The following MAT2A variants were observed in gnomAD, a reference collection of about 807,000 sequenced individuals.
The protein encoded by MAT2A is S-adenosylmethionine synthase isoform type-2.
A neutral mutation model predicts 43.9 loss-of-function variants in MAT2A; 3 were observed. That is an observed-to-expected ratio of 0.07 (90% CI 0.03 to 0.18). The LOEUF (loss-of-function observed/expected upper bound fraction) is 0.18. MAT2A is among the 10% of genes least tolerant of loss of function. The pLI is 1.00. For synonymous variants in MAT2A, 200 were observed against 168.4 expected (o/e 1.19, Z -1.45); for missense variants, 204 against 489.0 (o/e 0.42, Z 5.50).
At position 85,539,219 on chromosome 2, in the gene MAT2A, C is replaced by T; in HGVS notation, c.-69C>T. 1.8e-6 allele frequency: 2 copies of T among 1,126,838 alleles called. No homozygotes were observed. Among genetic ancestry groups the T allele is most frequent in the Non-Finnish European group, 1.3e-6 (1 of 766,554 alleles). The allele number at this position is 1,126,838 out of a possible 1,614,324, so 69.8% of individuals were successfully genotyped here. A position where few individuals can be genotyped will look rare whatever the true frequency, so the allele number is the denominator to read the frequency against. On this transcript the variant is annotated 5_prime_UTR_variant, in exon 1 of 9. Transcript: ENST00000306434. ...CGAGTAGAACGCTGTCCGCAGCTTG[C>T]GCATTTCGCAGCCGCTGCCGCCTCG...
chr2:85,541,087 G>A lies in MAT2A; in HGVS notation c.96G>A (p.Lys32=). ...SESVGEGHPD[K]ICDQISDAVL... is the part of the protein sequence containing the mutation. ...CCAGGAATTTCTCTTTTCCAGATAA[G>A]ATTTGTGACCAAATCAGTGATGCTG... The change falls in exon 2 of 9, where the codon AAG becomes AAA. Residue 32 remains lysine, a synonymous_variant. Coordinates refer to ENST00000306434, the MANE Select transcript of MAT2A (RefSeq NM_005911.6). 5.0e-6 allele frequency: 8 copies of A among 1,609,652 alleles called. No individual in the cohort carries two copies. Among genetic ancestry groups the A allele is most frequent in the Non-Finnish European group, 6.8e-6 (8 of 1,177,656 alleles).
chr2:85,541,455 T>A (rs1691475073), intron 3 of MAT2A, 78 bp downstream of exon 3: 5 of 1,538,476 alleles, frequency 3.2e-6, no homozygotes, highest in Non-Finnish European at 4.4e-6. Flanking sequence ...ATGTTCCTGC[T>A]AATCCTAAAC....
chr2:85,542,094 G>T, intron 5 of MAT2A, 61 bp from the exon 6 acceptor site: 1 of 1,583,776 alleles, frequency 6.3e-7, no homozygotes, highest in South Asian at 1.1e-5. Flanking sequence ...ACTTCAGGTA[G>T]AGAAACAAAT....
At chr2:85,543,191 A>G in intron 8 of MAT2A, 157 bp downstream of exon 8, 1 of 789,026 alleles carries the variant, frequency 1.3e-6, no homozygotes, top group Non-Finnish European at 2.0e-6. Flanking sequence ...CTTAGTGAAG[A>G]CTTAGTTATT....
At position 85,541,626 on chromosome 2, in the gene MAT2A, C is replaced by T. The variant is rs187848539; in HGVS notation, c.293-7C>T. ...CGTAAACAAGATGTTGTGTTTTTTG[C>T]TTATAGGTTTTGACTACAAGACTTG... On this transcript the variant is annotated splice_region_variant and splice_polypyrimidine_tract_variant and intron_variant, in intron 3 of 8. Coordinates refer to ENST00000306434, the MANE Select transcript of MAT2A (RefSeq NM_005911.6). 2.0e-5 allele frequency: 31 copies of T among 1,583,458 alleles called. No homozygotes were observed. The Admixed American group carries it at 3.6e-4, about 18-fold the overall frequency.
At chr2:85,540,714 A>G (rs1691454886) in intron 1 of MAT2A, among the ~76,000 whole-genome samples, 1 of 152,132 alleles carries the variant, frequency 6.6e-6, no homozygotes, top group Admixed American at 6.5e-5. Flanking sequence ...TGTTTAATCG[A>G]ATTATCTTGT....
In MAT2A at chr2:85,542,596, T is replaced by C. The variant is rs2103918667; in HGVS notation, c.800T>C (p.Ile267Thr). 6.2e-7 allele frequency: 1 copy of C among 1,614,122 alleles called. No individual in the cohort carries two copies. Among genetic ancestry groups the C allele is most frequent in the Non-Finnish European group, 8.5e-7 (1 of 1,180,006 alleles). ...GCTGGTTTGACTGGACGCAAAATCA[T>C]TGTGGACACTTATGGCGGTTGGGGT... ...GDAGLTGRKI[I>T]VDTYGGWGAH... Residue 267 changes from isoleucine to threonine, a missense_variant, in exon 7 of 9, where the codon ATT becomes ACT. By Grantham distance (89) the Ile-to-Thr change is moderately conservative (BLOSUM62 -1). This residue lies in a region of MAT2A where 8 missense variants were observed against 73.1 expected (regional missense o/e 0.11). Transcript: ENST00000306434.
At chr2:85,542,436 A>ATT (rs34540235) in intron 6 of MAT2A, 63 bp downstream of exon 6, 1 of 1,571,480 alleles carries the variant, frequency 6.4e-7, no homozygotes, top group Non-Finnish European at 8.7e-7. Context: ...TGGCTACTAC[A>ATT]TTTTTTTCAG....
At chr2:85,543,238 C>G in intron 8 of MAT2A, 1 of 554,688 alleles carries the variant, frequency 1.8e-6, no homozygotes, top group Non-Finnish European at 3.2e-6. Context: ...ATGGCTTAGG[C>G]TAACCACTCT....
At chr2:85,540,246 C>G (rs1264457296) in intron 1 of MAT2A, among the ~76,000 whole-genome samples, 2 of 152,192 alleles carry the variant, frequency 1.3e-5, no homozygotes, top group African/African-American at 2.4e-5. Flanking sequence ...AGCATATCGG[C>G]TAGTAAAGAT....
rs1691564810 is a variant in MAT2A, at chr2:85,544,531, C to T, written c.*759C>T. ...AGTAAACCAATCCTATGCATGGTTT[C>T]AGCACTAGCCAAACCTCACCAACTC... On this transcript the variant is annotated 3_prime_UTR_variant, in exon 9 of 9. Coordinates refer to ENST00000306434, the MANE Select transcript of MAT2A (RefSeq NM_005911.6). 1 of 152,700 alleles carries T rather than the reference C, an allele frequency of 6.5e-6. No homozygotes were observed. The highest frequency in any genetic ancestry group is 1.5e-5 in the Non-Finnish European group (1 of 68,072). 9.5% of individuals were successfully genotyped at this position (152,700 alleles called of 1,614,324 possible).
intron 1 of MAT2A, 126 bp from the exon 2 acceptor site, chr2:85,540,957 T>G: frequency 3.1e-6 from 2 of 645,876 alleles, no homozygotes; most frequent in Non-Finnish European, 2.8e-6. Flanking sequence ...TGAATTAAGA[T>G]GTATTAAGCA....
At chr2:85,543,089 G>C in intron 8 of MAT2A, 55 bp downstream of exon 8, 1 of 1,575,552 alleles carries the variant, frequency 6.3e-7, no homozygotes, top group Non-Finnish European at 8.6e-7. Flanking sequence ...GGGTGTGTGT[G>C]TATATACTTA....
intron 7 of MAT2A, 75 bp downstream of exon 7, chr2:85,542,822 A>G: frequency 6.4e-7 from 1 of 1,560,330 alleles, no homozygotes; most frequent in South Asian, 1.2e-5. Context: ...CTACTTAACT[A>G]CTTGTTTTAT....
chr2:85,541,024 C>A, intron 1 of MAT2A, 59 bp from the exon 2 acceptor site: 2 of 1,145,170 alleles, frequency 1.7e-6, no homozygotes, highest in South Asian at 1.3e-5. Context: ...AGCTTGCATA[C>A]ATACATACAT....
chr2:85,543,152 T>G (rs578179673), intron 8 of MAT2A, 118 bp downstream of exon 8: 1 of 1,172,254 alleles, frequency 8.5e-7, no homozygotes, highest in African/African-American at 1.5e-5. Flanking sequence ...GAATATATTT[T>G]AATTCCTGGA....
In MAT2A at chr2:85,542,401, G is replaced by GA. The variant is rs757921609; in HGVS notation, c.768+29dup. On this transcript the variant is annotated intron_variant, in intron 6 of 8. Transcript: ENST00000306434. ...AATGTCATTTTGTTGCATTTTTCTG[G>GA]ATTTTTGATGGTTACTTAAAATTTT... The GA allele has an allele frequency of 1.9e-6, 3 of 1,601,642 alleles. No individual in the cohort carries two copies. In the African/African-American group the frequency reaches 4.0e-5, roughly 21 times the overall value.
rs925319739 is a variant in MAT2A at position 85,541,721 on chromosome 2, A to T, written c.381A>T (p.Glu127Asp). 5.6e-6 allele frequency: 9 copies of T among 1,614,098 alleles called. No individual in the cohort carries two copies. The highest frequency in any genetic ancestry group is 6.8e-6 in the Non-Finnish European group (8 of 1,180,026). The change falls in exon 4 of 9, where the codon GAA becomes GAT. Residue 127 changes from glutamate to aspartate, a missense_variant. Coordinates refer to ENST00000306434, the MANE Select transcript of MAT2A (RefSeq NM_005911.6). ...IAQGVHLDRN[E>D]EDIGAGDQGL... The stretch of plus-strand genomic sequence containing the variant: ...AAGGTGTTCATCTTGACAGAAATGA[A>T]GAAGACATTGGTGCTGGAGACCAGG...
chr2:85,540,276 C>G (rs1691438971), intron 1 of MAT2A, among the ~76,000 whole-genome samples: 1 of 152,190 alleles, frequency 6.6e-6, no homozygotes, highest in Non-Finnish European at 1.5e-5. Flanking sequence ...GCTCTTTTGG[C>G]TGTTTCTGCC....
Sources: gnomAD v4.1 joint callset for allele counts (sites outside exome capture counted in the v4.1 genomes callset) on GRCh38, gnomAD v4.1.1 for gene constraint, gnomAD v4.1.1 regional missense constraint, MANE v1.5 for transcripts, NCBI Gene and HGNC (gene_info 2026-07-23, HGNC 2026-07-21) for gene names.